LINGO2: variants seen among roughly 807,000 people sequenced by gnomAD.
LINGO2 encodes leucine-rich repeat and immunoglobulin-like domain-containing nogo receptor-interacting protein 2.
A neutral mutation model predicts 30.6 loss-of-function variants in LINGO2; 14 were observed. That is an observed-to-expected ratio of 0.46 (90% confidence interval 0.30 to 0.72). LINGO2 has a LOEUF of 0.72. Ranked by LOEUF, LINGO2 falls within the 30% of genes least tolerant of loss-of-function variation. The probability of loss-of-function intolerance (pLI) is 0.07; values close to 1 mark genes in which losing one functional copy is unlikely to be tolerated. For synonymous variants in LINGO2, 317 were observed against 288.5 expected (o/e 1.10, Z -1.00); for missense variants, 729 against 751.7 (o/e 0.97, Z 0.35).
the LINGO2 span, among the ~76,000 whole-genome samples, chr9:28,886,905 T>C: frequency 6.6e-6 from 1 of 152,134 alleles, no homozygotes; most frequent in Non-Finnish European, 1.5e-5. Context: ...AAATAGTAGT[T>C]AGAGCTTCGT....
At chr9:28,176,261 T>G (rs1400590973) in intron 4 of LINGO2, among the ~76,000 whole-genome samples, 3 of 152,142 alleles carry the variant, frequency 2.0e-5, no homozygotes, top group Admixed American at 6.5e-5. Context: ...ACGTAGAATC[T>G]TTTCTTCCTG....
the LINGO2 span, among the ~76,000 whole-genome samples, chr9:28,736,797 A>AATAC: frequency 6.6e-6 from 1 of 152,136 alleles, no homozygotes; most frequent in African/African-American, 2.4e-5. Flanking sequence ...TCACAAAATA[A>AATAC]ATACATACAT....
At chr9:28,960,801 A>T in the LINGO2 span, among the ~76,000 whole-genome samples, 26 of 137,026 alleles carry the variant, frequency 1.9e-4, no homozygotes, top group African/African-American at 6.5e-4. Context: ...TTGCTGAGTC[A>T]TCAGAACAGT....
chr9:28,877,100 G>GT, the LINGO2 span, among the ~76,000 whole-genome samples: 8,986 of 141,702 alleles, frequency 0.063, 861 homozygotes, highest in African/African-American at 0.21. Flanking sequence ...ATGGGGTTGT[G>GT]TTTTTTTTTT....
the LINGO2 span, among the ~76,000 whole-genome samples, chr9:29,019,498 A>G: frequency 6.6e-6 from 1 of 152,184 alleles, no homozygotes; most frequent in Non-Finnish European, 1.5e-5. Flanking sequence ...GCACTAGCAG[A>G]ACCAATTACT....
chr9:28,716,627 T>G, the LINGO2 span, among the ~76,000 whole-genome samples: 1 of 152,140 alleles, frequency 6.6e-6, no homozygotes, highest in Non-Finnish European at 1.5e-5. Flanking sequence ...CTAAATATTC[T>G]GTTCTTTGAG....
At chr9:28,207,815 CA>C (rs1554687705) in intron 4 of LINGO2, among the ~76,000 whole-genome samples, 2 of 151,780 alleles carry the variant, frequency 1.3e-5, no homozygotes, top group Non-Finnish European at 2.9e-5. Flanking sequence ...TGTTTAATTC[CA>C]AAAATAGACT....
chr9:28,281,888 G>A (rs1363846181), intron 4 of LINGO2, among the ~76,000 whole-genome samples: 2 of 152,062 alleles, frequency 1.3e-5, no homozygotes, highest in African/African-American at 4.8e-5. Flanking sequence ...TTCTGCATGT[G>A]GAAATGCTTG....
intron 4 of LINGO2, among the ~76,000 whole-genome samples, chr9:28,052,637 T>C (rs1047720544): frequency 3.3e-5 from 5 of 152,102 alleles, no homozygotes; most frequent in Admixed American, 2.6e-4. Context: ...TCCTCAAAGA[T>C]GAAACCAGCA....
the LINGO2 span, among the ~76,000 whole-genome samples, chr9:28,789,311 C>T: frequency 6.6e-6 from 1 of 152,090 alleles, no homozygotes; most frequent in African/African-American, 2.4e-5. Context: ...TAAATAAAAG[C>T]TATTATCTCA....
the LINGO2 span, among the ~76,000 whole-genome samples, chr9:28,846,146 C>A: frequency 4.0e-4 from 61 of 151,764 alleles, 2 homozygotes; most frequent in African/African-American, 1.4e-3. Flanking sequence ...TAGAGAATCC[C>A]TCAGAGATGA....
intron 1 of LINGO2, among the ~76,000 whole-genome samples, chr9:28,487,884 T>A (rs1037716252): frequency 1.7e-4 from 26 of 152,180 alleles, no homozygotes; most frequent in African/African-American, 5.8e-4. Flanking sequence ...AGGTTAGGTG[T>A]TTGATGAAGC....
chr9:29,079,457 T>C, the LINGO2 span, among the ~76,000 whole-genome samples: 63 of 152,098 alleles, frequency 4.1e-4, no homozygotes, highest in African/African-American at 1.4e-3. Flanking sequence ...TTTATAGACA[T>C]TGTGATATTA....
chr9:28,365,336 G>A (rs1480093101), intron 3 of LINGO2, among the ~76,000 whole-genome samples: 2 of 152,104 alleles, frequency 1.3e-5, no homozygotes, highest in Non-Finnish European at 2.9e-5. Flanking sequence ...AAATGTATGT[G>A]TCATGCTAAA....
the LINGO2 span, among the ~76,000 whole-genome samples, chr9:28,888,230 T>G: frequency 6.6e-6 from 1 of 152,114 alleles, no homozygotes; most frequent in African/African-American, 2.4e-5. Context: ...TTTGTCACTC[T>G]TGTTAAAAGA....
chr9:28,631,577 T>C (rs1274593584), intron 1 of LINGO2, among the ~76,000 whole-genome samples: 1 of 152,102 alleles, frequency 6.6e-6, no homozygotes, highest in Non-Finnish European at 1.5e-5. Context: ...GAGAAACCTA[T>C]TTTCTTGGGA....
At chr9:28,199,102 G>C (rs1442832018) in intron 4 of LINGO2, among the ~76,000 whole-genome samples, 2 of 152,048 alleles carry the variant, frequency 1.3e-5, no homozygotes, top group African/African-American at 2.4e-5. Context: ...GTAAATACAT[G>C]TATCATAGTT....
At chr9:29,018,962 TG>T in the LINGO2 span, among the ~76,000 whole-genome samples, 1 of 152,150 alleles carries the variant, frequency 6.6e-6, no homozygotes, top group Non-Finnish European at 1.5e-5. Context: ...TTCTGAAATA[TG>T]ATCTTCACTG....
chr9:28,388,790 A>G (rs1821704559), intron 2 of LINGO2, among the ~76,000 whole-genome samples: 1 of 152,168 alleles, frequency 6.6e-6, no homozygotes, highest in Admixed American at 6.5e-5. Flanking sequence ...TCAAATGTGA[A>G]CTAAATCAGA....
Sources: gnomAD v4.1 joint callset for allele counts (sites outside exome capture counted in the v4.1 genomes callset) on GRCh38, gnomAD v4.1.1 for gene constraint, MANE v1.5 for transcripts, NCBI Gene and HGNC (gene_info 2026-07-23, HGNC 2026-07-21) for gene names.